GRM1: variants seen among roughly 807,000 people sequenced by gnomAD.
GRM1 encodes metabotropic glutamate receptor 1.
A neutral mutation model predicts 90.9 loss-of-function variants in GRM1; 33 were observed. The observed-to-expected ratio is 0.36, with a 90% CI of 0.28 to 0.49. The LOEUF is 0.49. Ranked by LOEUF, GRM1 falls within the 20% of genes least tolerant of loss-of-function variation. The pLI is 0.99. For missense variants in GRM1, 1,190 were observed against 1,534.3 expected, an observed-to-expected ratio of 0.78 and a Z score of 3.75; for synonymous variants, 700 against 613.2, an observed-to-expected ratio of 1.14 and a Z score of -2.09.
intron 7 of GRM1, among the ~76,000 whole-genome samples, chr6:146,409,181 C>G (rs1343258885): frequency 6.6e-6 from 1 of 152,142 alleles, no homozygotes; most frequent in Non-Finnish European, 1.5e-5. Context: ...TGCCTCCTGT[C>G]TCGCCCTATG....
intron 1 of GRM1, among the ~76,000 whole-genome samples, chr6:146,157,072 T>TG: frequency 6.6e-6 from 1 of 152,210 alleles, no homozygotes; most frequent in African/African-American, 2.4e-5. Context: ...GGGATTCAAA[T>TG]ATCATTTGAA....
intron 2 of GRM1, among the ~76,000 whole-genome samples, chr6:146,202,951 T>C (rs538703030): frequency 5.9e-5 from 9 of 152,052 alleles, no homozygotes; most frequent in Non-Finnish European, 1.0e-4. Context: ...ATCCCAGCAC[T>C]TTGGGAGGCC....
intron 1 of GRM1, among the ~76,000 whole-genome samples, chr6:146,049,705 T>A (rs903391606): frequency 2.0e-5 from 3 of 148,864 alleles, no homozygotes; most frequent in Non-Finnish European, 4.5e-5. Context: ...CTATCTATCA[T>A]CTCATGTTGG....
chr6:146,360,563 C>T (rs959890564), intron 5 of GRM1, among the ~76,000 whole-genome samples: 2 of 152,082 alleles, frequency 1.3e-5, no homozygotes, highest in African/African-American at 4.8e-5. Flanking sequence ...ACTCCCACTC[C>T]AGAGCTACAG....
Position 146,103,417 on chromosome 6 carries a change from C to T in GRM1, c.701-55931C>T, listed in dbSNP as rs189924433. Among the ~76,000 whole-genome samples, 59 of 152,278 alleles carry T rather than the reference C, an allele frequency of 3.9e-4. 1 individual carries two copies. The highest frequency in any genetic ancestry group is 3.7e-3 in the Admixed American group (57 of 15,296). On this transcript the variant is annotated intron_variant, in intron 1 of 7. Coordinates refer to ENST00000282753, the MANE Select transcript of GRM1 (RefSeq NM_001278064.2). ...GACACGAAGGCCCAGCTCTGTCACA[C>T]TCTCTTGGCACATTCTGTCCTCAGA...
chr6:146,150,601 A>G (rs761396309), intron 1 of GRM1, among the ~76,000 whole-genome samples: 30 of 152,152 alleles, frequency 2.0e-4, no homozygotes, highest in Admixed American at 2.6e-4. Context: ...TAAAATATAC[A>G]ATAATTTTTG....
chr6:146,412,283 A>G (rs1351109608), intron 7 of GRM1, among the ~76,000 whole-genome samples: 1 of 152,196 alleles, frequency 6.6e-6, no homozygotes, highest in Non-Finnish European at 1.5e-5. Context: ...AGGGGCAGAC[A>G]AAAATAAGCC....
intron 3 of GRM1, among the ~76,000 whole-genome samples, chr6:146,329,888 A>G (rs1264459843): frequency 6.6e-6 from 1 of 152,204 alleles, no homozygotes; most frequent in African/African-American, 2.4e-5. Flanking sequence ...GAGAAACAGA[A>G]TGGTTATGTG....
chr6:146,226,534 C>A (rs1309936402), intron 2 of GRM1, among the ~76,000 whole-genome samples: 1 of 152,062 alleles, frequency 6.6e-6, no homozygotes, highest in Non-Finnish European at 1.5e-5. Flanking sequence ...TCTGGAGTAA[C>A]ACAATGCCTG....
intron 3 of GRM1, among the ~76,000 whole-genome samples, chr6:146,338,388 C>T (rs987517612): frequency 6.6e-6 from 1 of 152,150 alleles, no homozygotes; most frequent in African/African-American, 2.4e-5. Flanking sequence ...TATCTTATCC[C>T]GTTTGAATTC....
chr6:146,296,505 C>T (rs1337985241), intron 2 of GRM1, among the ~76,000 whole-genome samples: 1 of 152,204 alleles, frequency 6.6e-6, no homozygotes, highest in African/African-American at 2.4e-5. Flanking sequence ...CTATGATACA[C>T]TGCTAGAACT....
At chr6:146,064,150 G>C (rs12198065) in intron 1 of GRM1, among the ~76,000 whole-genome samples, 56,013 of 151,978 alleles carry the variant, frequency 0.37, 11,032 homozygotes, top group Middle Eastern at 0.51. Context: ...TCTTAAAATA[G>C]ATAATCCACA....
At chr6:146,063,991 C>T (rs1443435687) in intron 1 of GRM1, among the ~76,000 whole-genome samples, 1 of 152,118 alleles carries the variant, frequency 6.6e-6, no homozygotes, top group Admixed American at 6.5e-5. Context: ...TAACTTTTGA[C>T]TTTCTTCATA....
At chr6:146,395,056 T>G (rs560018760) in intron 6 of GRM1, among the ~76,000 whole-genome samples, 4 of 152,156 alleles carry the variant, frequency 2.6e-5, no homozygotes, top group African/African-American at 7.2e-5. Flanking sequence ...TCACAAATAT[T>G]CTTCAAATGA....
At chr6:146,085,479 T>C (rs1382677326) in intron 1 of GRM1, among the ~76,000 whole-genome samples, 4 of 152,292 alleles carry the variant, frequency 2.6e-5, no homozygotes, top group Middle Eastern at 6.8e-3. Flanking sequence ...CAGCTGTTTT[T>C]AGATCACTCG....
intron 2 of GRM1, among the ~76,000 whole-genome samples, chr6:146,244,666 A>T (rs118128495): frequency 0.011 from 1,732 of 152,302 alleles, 73 homozygotes; most frequent in East Asian, 0.079. Flanking sequence ...TCTTATAGAT[A>T]TATTTGTTTT....
chr6:146,394,037 G>A (rs929617291), intron 6 of GRM1, among the ~76,000 whole-genome samples: 11 of 152,134 alleles, frequency 7.2e-5, no homozygotes, highest in African/African-American at 2.4e-4. Flanking sequence ...TTAATAAATG[G>A]TGCTGGGAAA....
intron 2 of GRM1, among the ~76,000 whole-genome samples, chr6:146,303,896 G>A (rs567437288): frequency 7.9e-5 from 12 of 152,254 alleles, no homozygotes; most frequent in South Asian, 6.2e-4. Context: ...GCTACATTAC[G>A]TCTGGTAGAT....
chr6:146,224,433 A>G (rs1312407051), intron 2 of GRM1, among the ~76,000 whole-genome samples: 1 of 152,150 alleles, frequency 6.6e-6, no homozygotes, highest in Non-Finnish European at 1.5e-5. Context: ...GCTTGTAGCT[A>G]TTATGTTTTC....
Sources: allele counts gnomAD v4.1 joint callset (sites outside exome capture counted in the v4.1 genomes callset), GRCh38; gene constraint gnomAD v4.1.1; transcripts MANE v1.5; gene names NCBI Gene and HGNC (gene_info 2026-07-23, HGNC 2026-07-21).